The following ORC1 variants were observed in gnomAD, a reference collection of about 807,000 sequenced individuals.
ORC1 encodes the protein origin recognition complex, subunit 1 homolog.
ORC1 carries 61 observed loss-of-function variants against 98.9 expected under a neutral mutation model. The observed-to-expected ratio is 0.62, with a 90% confidence interval of 0.50 to 0.76. The LOEUF is 0.76. Among genes scored for constraint, ORC1 ranks in the 30% least tolerant of loss-of-function variants. The probability of loss-of-function intolerance (pLI) is 0.00; values close to 1 mark genes in which losing one functional copy is unlikely to be tolerated. For missense variants in ORC1, 979 were observed against 1,072.2 expected (o/e 0.91, Z 1.21); for synonymous variants, 385 against 406.9 (o/e 0.95, Z 0.65).
rs559760587 is a variant in ORC1 at position 52,388,569 on chromosome 1, G to A, written c.1256C>T (p.Ser419Phe). The change falls in exon 8 of 17, where the codon TCT becomes TTT. Residue 419 changes from serine (S) to phenylalanine (F), a missense_variant. Transcript: ENST00000371568. ...EILPAAEISD[S>F]SSDEEEASTP... The stretch of plus-strand genomic sequence containing the variant: ...GGAAGCCTCTTCTTCGTCACTGCTA[G>A]AGTCTGAAATCTCTGCTGCTGGCAG... The A allele has an allele frequency of 3.1e-6, 5 of 1,614,126 alleles. No homozygotes were observed. The South Asian group carries it at 5.5e-5, about 18-fold the overall frequency.
intron 14 of ORC1, 149 bp from the exon 15 acceptor site, chr1:52,375,748 T>C (rs1646988089): frequency 1.3e-6 from 1 of 744,218 alleles, no homozygotes; most frequent in Non-Finnish European, 2.3e-6. Context: ...AATTATTACA[T>C]TGTGCATGGG....
intron 16 of ORC1, among the ~76,000 whole-genome samples, chr1:52,374,586 G>A (rs1646970676): frequency 6.6e-6 from 1 of 152,218 alleles, no homozygotes; most frequent in East Asian, 1.9e-4. Context: ...TCTTTGAACA[G>A]TGTCTGGCAC....
rs149110528 is a variant in ORC1 at position 52,385,858 on chromosome 1, C to T, written c.1475G>A (p.Arg492Gln). 15 of 1,612,062 alleles carry T rather than the reference C, an allele frequency of 9.3e-6. No individual in the cohort carries two copies. Among genetic ancestry groups the T allele is most frequent in the East Asian group, 2.2e-5 (1 of 44,882 alleles). The stretch of plus-strand genomic sequence containing the variant: ...GAATCAACAGCAGCAGTACCTCAGT[C>T]GGGCTTCCTCCAGCACACTGGCTGG... ...QEPASVLEEA[R>Q]LRLHVSAVPE... Residue 492 changes from arginine (R) to glutamine (Q), a missense_variant, in exon 9 of 17, where the codon CGA becomes CAA. Arg to Gln is a conservative substitution (Grantham distance 43). Coordinates refer to ENST00000371568, the MANE Select transcript of ORC1 (RefSeq NM_004153.4).
intron 15 of ORC1, 103 bp downstream of exon 15, chr1:52,375,327 A>G (rs1258793927): frequency 1.9e-6 from 2 of 1,028,198 alleles, no homozygotes; most frequent in Admixed American, 1.8e-5. Flanking sequence ...CCTATGAAAC[A>G]TAACTGTGTT....
At chr1:52,377,520 T>C (rs545557135) in intron 14 of ORC1, among the ~76,000 whole-genome samples, 1 of 151,388 alleles carries the variant, frequency 6.6e-6, no homozygotes, top group African/African-American at 2.4e-5. Context: ...AGTGATCCTC[T>C]CACCTTGGCC....
chr1:52,377,801 T>A (rs1012840266), intron 14 of ORC1, among the ~76,000 whole-genome samples: 1 of 147,022 alleles, frequency 6.8e-6, no homozygotes, highest in African/African-American at 2.5e-5. Context: ...ATTCCATGCA[T>A]ATAGTAAAAT....
intron 14 of ORC1, among the ~76,000 whole-genome samples, chr1:52,378,771 C>T (rs1030572261): frequency 2.6e-5 from 4 of 152,200 alleles, no homozygotes; most frequent in East Asian, 3.9e-4. Flanking sequence ...CGGTGGCTCA[C>T]GCCTGTAATC....
chr1:52,379,931 C>CAAAACAA (rs1291934099), intron 14 of ORC1, among the ~76,000 whole-genome samples: 1 of 151,526 alleles, frequency 6.6e-6, no homozygotes, highest in Non-Finnish European at 1.5e-5. Context: ...GACTCCGTCT[C>CAAAACAA]AAAACAAAAA....
chr1:52,397,986 G>A (rs1569953363), intron 3 of ORC1, 123 bp from the exon 4 acceptor site: 3 of 929,202 alleles, frequency 3.2e-6, no homozygotes, highest in East Asian at 5.1e-5. Flanking sequence ...TTTGTTTTTT[G>A]AGACAGAGTC....
intron 6 of ORC1, among the ~76,000 whole-genome samples, chr1:52,390,901 G>GAAAAAAAAAAA (rs112674214): frequency 3.9e-5 from 3 of 77,380 alleles, no homozygotes; most frequent in Non-Finnish European, 3.0e-5. Flanking sequence ...TCCAAAAAAA[G>GAAAAAAAAAAA]AAAAAAAAAA....
At chr1:52,388,289 C>T (rs756884080) in intron 8 of ORC1, among the ~76,000 whole-genome samples, 153 bp downstream of exon 8, 2 of 152,176 alleles carry the variant, frequency 1.3e-5, no homozygotes, top group Non-Finnish European at 2.9e-5. Flanking sequence ...TCACTTAGGT[C>T]CCCTTCTCCA....
intron 3 of ORC1, among the ~76,000 whole-genome samples, chr1:52,399,073 C>T (rs1019776562): frequency 6.6e-6 from 1 of 152,052 alleles, no homozygotes; most frequent in African/African-American, 2.4e-5. Context: ...TGCTATCAGC[C>T]GGCAAAGGAA....
At position 52,385,875 on chromosome 1, in the gene ORC1, A is replaced by C. The variant is rs781431785; in HGVS notation, c.1458T>G (p.Ser486Arg). Residue 486 changes from serine to arginine, a missense_variant, in exon 9 of 17, where the codon AGT (serine) becomes AGG (arginine). By Grantham distance (110) the Ser-to-Arg change is moderately radical (BLOSUM62 -1). Transcript: ENST00000371568. ...SRSLAAQEPA[S>R]VLEEARLRLH... ...ACCTCAGTCGGGCTTCCTCCAGCAC[A>C]CTGGCTGGCTCCTGGGCAGCCAGGC... is the stretch of plus-strand genomic sequence containing the variant. 17 of 1,613,696 alleles carry C rather than the reference A, an allele frequency of 1.1e-5. No individual in the cohort carries two copies. In the South Asian group the frequency reaches 1.6e-4, roughly 16 times the overall value.
intron 3 of ORC1, among the ~76,000 whole-genome samples, chr1:52,400,179 T>C (rs1647635877): frequency 6.6e-6 from 1 of 152,210 alleles, no homozygotes; most frequent in South Asian, 2.1e-4. Context: ...CTTATCTATG[T>C]GCAGTACTCT....
chr1:52,390,917 A>AG, intron 6 of ORC1, among the ~76,000 whole-genome samples: 1 of 151,114 alleles, frequency 6.6e-6, no homozygotes, highest in Non-Finnish European at 1.5e-5. Context: ...AAAAAAAAAA[A>AG]AGAAGAAGAA....
upstream of ORC1, among the ~76,000 whole-genome samples, chr1:52,409,327 G>A (rs1186413763): frequency 6.6e-6 from 1 of 152,154 alleles, no homozygotes; most frequent in African/African-American, 2.4e-5. Flanking sequence ...TTAAGAATTT[G>A]GGGCCAAGCA....
Position 52,389,288 on chromosome 1 carries a change from C to A in ORC1, c.1116G>T (p.Ala372=), listed in dbSNP as rs189106023. The change falls in exon 7 of 17, where the codon GCG becomes GCT. Residue 372 remains alanine (A), a synonymous_variant. Coordinates refer to ENST00000371568, the MANE Select transcript of ORC1 (RefSeq NM_004153.4). ...DAKEAKAQNE[A]TSTPHRIRRK... is the part of the protein sequence containing the mutation. ...TGCGGATACGATGGGGAGTAGAGGT[C>A]GCTTCATTCTGGGCTTTTGCTTCTT... The A allele has an allele frequency of 1.2e-6, 2 of 1,614,144 alleles. No individual in the cohort carries two copies. The highest frequency in any genetic ancestry group is 1.7e-6 in the Non-Finnish European group (2 of 1,180,002).
intron 14 of ORC1, among the ~76,000 whole-genome samples, chr1:52,376,954 G>A (rs1182536898): frequency 6.6e-6 from 1 of 152,154 alleles, no homozygotes; most frequent in African/African-American, 2.4e-5. Flanking sequence ...AGAACGGATG[G>A]CAGGAAAAAC....
chr1:52,383,783 T>G (rs773144081), intron 12 of ORC1, 47 bp downstream of exon 12: 13 of 1,512,744 alleles, frequency 8.6e-6, no homozygotes, highest in Non-Finnish European at 9.2e-7. Context: ...CACTTGCTCC[T>G]GAGGTACAGC....
Sources: allele counts gnomAD v4.1 joint callset (sites outside exome capture counted in the v4.1 genomes callset), GRCh38; gene constraint gnomAD v4.1.1; transcripts MANE v1.5; gene names NCBI Gene and HGNC (gene_info 2026-07-23, HGNC 2026-07-21).